Variants in ARAP2 observed in about 807,000 individuals in gnomAD.
ARAP2 encodes the protein ArfGAP with RhoGAP domain, ankyrin repeat and PH domain 2.
In ARAP2, 148 loss-of-function variants were observed where a neutral mutation model predicts 194.5. The observed-to-expected ratio is 0.76, with a 90% CI of 0.67 to 0.87. The LOEUF (loss-of-function observed/expected upper bound fraction) is 0.87, where lower values mean the gene tolerates loss of function less well. ARAP2 is among the 40% of genes least tolerant of loss of function. The pLI is 0.00. For missense variants in ARAP2, 2,128 were observed against 1,989.7 expected (o/e 1.07, Z -1.32); for synonymous variants, 695 against 683.5 (o/e 1.02, Z -0.26).
chr4:36,143,687 G>A (rs1728906627), intron 19 of ARAP2, among the ~76,000 whole-genome samples: 1 of 151,692 alleles, frequency 6.6e-6, no homozygotes, highest in Non-Finnish European at 1.5e-5. Context: ...TAATATAATT[G>A]CGTTTAAATG....
intron 27 of ARAP2, among the ~76,000 whole-genome samples, chr4:36,097,256 A>G (rs1715560856): frequency 6.6e-6 from 1 of 152,082 alleles, no homozygotes; most frequent in African/African-American, 2.4e-5. Context: ...GAAAGTTTTG[A>G]AAGGAATATA....
chr4:36,134,721 T>C (rs1468759632), intron 19 of ARAP2, among the ~76,000 whole-genome samples: 3 of 129,242 alleles, frequency 2.3e-5, no homozygotes, highest in Non-Finnish European at 3.3e-5. Context: ...TCAGGAAACA[T>C]AAACACACAC....
intron 15 of ARAP2, among the ~76,000 whole-genome samples, chr4:36,152,820 TG>T (rs1560540618): frequency 1.3e-5 from 2 of 152,136 alleles, no homozygotes; most frequent in African/African-American, 2.4e-5. Flanking sequence ...CATAGAAAGG[TG>T]AAACTGCAAA....
At position 36,151,064 on chromosome 4, in the gene ARAP2, C is replaced by CA. The variant is rs1412400389; in HGVS notation, c.2753-21dup. The CA allele has an allele frequency of 6.4e-7, 1 of 1,572,366 alleles. No individual in the cohort carries two copies. The highest frequency in any genetic ancestry group is 2.0e-5 in the Admixed American group (1 of 50,822). ...TTGTCTCTAAGAATTTGAAACAAAACAAATAACAAATTGAGCTAATCACGA... is the reference window on the plus strand; with the variant it reads ...TTGTCTCTAAGAATTTGAAACAAAACAAAATAACAAATTGAGCTAATCACGA... On this transcript the variant is annotated intron_variant, in intron 15 of 32. Transcript: ENST00000303965.
At chr4:36,053,866 A>C (rs1389520767) in intron 2 of ARAP2, among the ~76,000 whole-genome samples, 1 of 152,216 alleles carries the variant, frequency 6.6e-6, no homozygotes, top group African/African-American at 2.4e-5. Flanking sequence ...TGATTATCTT[A>C]CAAATTTAGA....
rs1740846602 is a variant in ARAP2, at chr4:36,187,529, T to C, written c.1600A>G (p.Thr534Ala). The change falls in exon 8 of 33, where the codon ACA becomes GCA. Residue 534 changes from threonine (T) to alanine (A), a missense_variant. By Grantham distance (58) the Thr-to-Ala change is moderately conservative. Coordinates refer to ENST00000303965, the MANE Select transcript of ARAP2 (RefSeq NM_015230.4). ...TTGTTGTCTCCTTGAACTCGTACTG[T>C]TGATATAGCAGAAAGGGGAATTATT... Reference protein sequence around the residue: ...KGIIPLSAISTVRVQGDNKFE... With the variant: ...KGIIPLSAISAVRVQGDNKFE... The C allele has an allele frequency of 6.4e-7, 1 of 1,568,366 alleles. No individual in the cohort carries two copies. The highest frequency in any genetic ancestry group is 8.6e-7 in the Non-Finnish European group (1 of 1,159,820).
intron 2 of ARAP2, among the ~76,000 whole-genome samples, chr4:36,222,289 C>CA (rs1560705608): frequency 6.6e-6 from 1 of 151,900 alleles, no homozygotes; most frequent in Non-Finnish European, 1.5e-5. Context: ...AAAACCTCAG[C>CA]AAAAAATGTT....
intron 7 of ARAP2, among the ~76,000 whole-genome samples, chr4:36,191,695 A>AT (rs2109910645): frequency 6.6e-6 from 1 of 152,156 alleles, no homozygotes; most frequent in South Asian, 2.1e-4. Flanking sequence ...AAGGAAAGAA[A>AT]TTTTAAAGCA....
At chr4:36,107,067 C>T (rs1330547497) in intron 27 of ARAP2, among the ~76,000 whole-genome samples, 1 of 151,930 alleles carries the variant, frequency 6.6e-6, no homozygotes, top group Non-Finnish European at 1.5e-5. Flanking sequence ...CGTACATGAG[C>T]ACTATCTCCT....
At chr4:36,051,438 T>C (rs935368736) in intron 3 of ARAP2, among the ~76,000 whole-genome samples, 18 of 152,010 alleles carry the variant, frequency 1.2e-4, no homozygotes, top group African/African-American at 4.3e-4. Flanking sequence ...AATCACACCA[T>C]TGCACTCCAG....
At chr4:36,021,264 T>C (rs1203079313) in intron 5 of ARAP2, among the ~76,000 whole-genome samples, 1 of 152,148 alleles carries the variant, frequency 6.6e-6, no homozygotes, top group Non-Finnish European at 1.5e-5. Context: ...GCAAGAGTGT[T>C]AAGTGTACTA....
intron 19 of ARAP2, among the ~76,000 whole-genome samples, chr4:36,145,716 G>C (rs531185843): frequency 6.6e-6 from 1 of 151,962 alleles, no homozygotes; most frequent in Admixed American, 6.6e-5. Flanking sequence ...CTTCCTTATT[G>C]CTCTGGTATG....
chr4:36,093,334 C>T (rs1206718245), intron 27 of ARAP2, among the ~76,000 whole-genome samples: 4 of 151,848 alleles, frequency 2.6e-5, no homozygotes, highest in Admixed American at 1.3e-4. Context: ...AACAAACCTG[C>T]GCATGTACCC....
At chr4:36,136,928 G>GCA (rs1560507592) in intron 19 of ARAP2, among the ~76,000 whole-genome samples, 22 of 26,622 alleles carry the variant, frequency 8.3e-4, no homozygotes, top group Middle Eastern at 0.036. Context: ...ATACACGCGC[G>GCA]CGCGCACACA....
At chr4:36,139,072 C>T (rs937885736) in intron 19 of ARAP2, among the ~76,000 whole-genome samples, 3 of 149,594 alleles carry the variant, frequency 2.0e-5, no homozygotes, top group South Asian at 2.1e-4. Flanking sequence ...TTATCAGACA[C>T]GTGTATTTTG....
At chr4:36,047,386 T>C (rs1722005789) in intron 3 of ARAP2, 2 of 152,224 alleles carry the variant, frequency 1.3e-5, no homozygotes, top group South Asian at 2.1e-4. Context: ...CTAGTGGCCA[T>C]ATAAGCTAAC....
At chr4:36,058,689 T>A (rs1723923990) in intron 1 of ARAP2, among the ~76,000 whole-genome samples, 1 of 152,230 alleles carries the variant, frequency 6.6e-6, no homozygotes, top group Non-Finnish European at 1.5e-5. Flanking sequence ...ATTCAATATA[T>A]GTTTCAGTAG....
chr4:36,040,081 C>A (rs1159928182), intron 5 of ARAP2, among the ~76,000 whole-genome samples: 1 of 152,200 alleles, frequency 6.6e-6, no homozygotes, highest in East Asian at 1.9e-4. Context: ...TCTATGATTG[C>A]CCCTGAATAA....
At chr4:36,053,569 A>T (rs965321484) in intron 2 of ARAP2, among the ~76,000 whole-genome samples, 1 of 152,226 alleles carries the variant, frequency 6.6e-6, no homozygotes, top group African/African-American at 2.4e-5. Context: ...GTATAAAGGA[A>T]TTACTTGTAT....
Sources: allele counts gnomAD v4.1 joint callset (sites outside exome capture counted in the v4.1 genomes callset), GRCh38; gene constraint gnomAD v4.1.1; transcripts MANE v1.5; gene names NCBI Gene and HGNC (gene_info 2026-07-23, HGNC 2026-07-21).